The following INTS14 variants were observed in gnomAD, a reference collection of about 807,000 sequenced individuals.
INTS14 encodes UPF0464 protein C15orf44.
In INTS14, 27 loss-of-function variants were observed where a neutral mutation model predicts 56.9. The ratio of observed to expected loss-of-function variants is 0.47; its 90% CI spans 0.35 to 0.65. The LOEUF (loss-of-function observed/expected upper bound fraction) is 0.65. Ranked by LOEUF, INTS14 falls within the 30% of genes least tolerant of loss-of-function variation. INTS14 has a pLI of 0.00. For missense variants in INTS14, 517 were observed against 632.2 expected, an observed-to-expected ratio of 0.82 and a Z score of 1.95; for synonymous variants, 207 against 236.2, an observed-to-expected ratio of 0.88 and a Z score of 1.13.
intron 10 of INTS14, among the ~76,000 whole-genome samples, chr15:65,584,216 A>G (rs1235705392): frequency 6.6e-6 from 1 of 152,216 alleles, no homozygotes; most frequent in Non-Finnish European, 1.5e-5. Flanking sequence ...TCATATTATC[A>G]TAACTTCCTA....
intron 1 of INTS14, among the ~76,000 whole-genome samples, chr15:65,609,523 T>A (rs2073788097): frequency 1.3e-5 from 2 of 152,188 alleles, no homozygotes; most frequent in African/African-American, 4.8e-5. Flanking sequence ...TCAAAACTTA[T>A]CACAGTAACT....
At chr15:65,610,859 G>T in intron 1 of INTS14, 1 of 1,522,980 alleles carries the variant, frequency 6.6e-7, no homozygotes, top group Non-Finnish European at 8.8e-7. Flanking sequence ...GGGCAGAGGG[G>T]AGCTGAGCAG....
At position 65,579,506 on chromosome 15, in the gene INTS14, T is replaced by G. The variant is rs1219398131; in HGVS notation, c.1459A>C (p.Lys487Gln). 6.2e-7 allele frequency: 1 copy of G among 1,614,108 alleles called. No individual in the cohort carries two copies. Among genetic ancestry groups the G allele is most frequent in the Non-Finnish European group, 8.5e-7 (1 of 1,180,034 alleles). Residue 487 changes from lysine (K) to glutamine (Q), a missense_variant, in exon 12 of 12, where the codon AAG becomes CAG. Coordinates refer to ENST00000313182, the MANE Select transcript of INTS14 (RefSeq NM_001394796.1). ...FQLTHAAQQL[K>Q]LASTGTSEYA... ...TCAGAGGTGCCGGTACTGGCCAGCT[T>G]GAGCTGCTGGGCAGCATGGGTCAGC...
intron 10 of INTS14, among the ~76,000 whole-genome samples, chr15:65,583,599 TAG>T (rs995503940): frequency 2.0e-5 from 3 of 152,172 alleles, no homozygotes; most frequent in Admixed American, 1.3e-4. Flanking sequence ...GTTCTGGAAC[TAG>T]AGAGTGGTGA....
At chr15:65,604,252 T>G (rs1294578786) in intron 3 of INTS14, among the ~76,000 whole-genome samples, 1 of 152,086 alleles carries the variant, frequency 6.6e-6, no homozygotes, top group African/African-American at 2.4e-5. Context: ...CCAGCTAATT[T>G]TTGTATTTTT....
intron 1 of INTS14, among the ~76,000 whole-genome samples, chr15:65,609,929 C>T (rs967802837): frequency 6.6e-6 from 1 of 152,136 alleles, no homozygotes; most frequent in East Asian, 1.9e-4. Flanking sequence ...GGCTCTTTCT[C>T]CCAAGTGATG....
chr15:65,590,044 C>A (rs1010026186), intron 9 of INTS14, among the ~76,000 whole-genome samples: 4 of 152,176 alleles, frequency 2.6e-5, no homozygotes, highest in African/African-American at 7.2e-5. Context: ...AGGTCAGAAA[C>A]CTGGGATCAA....
chr15:65,597,271 T>A (rs1038357455), intron 6 of INTS14, among the ~76,000 whole-genome samples: 1 of 152,188 alleles, frequency 6.6e-6, no homozygotes, highest in Non-Finnish European at 1.5e-5. Context: ...CCACAAACAA[T>A]GAGCATTCAC....
chr15:65,595,321 A>G (rs967962436), intron 7 of INTS14, among the ~76,000 whole-genome samples: 1 of 152,260 alleles, frequency 6.6e-6, no homozygotes, highest in Non-Finnish European at 1.5e-5. Context: ...GTTATCTACT[A>G]TGTGCTGGGC....
rs777498623 is a variant in INTS14 at position 65,579,635 on chromosome 15, C to T, written c.1330G>A (p.Ala444Thr). 5.0e-6 allele frequency: 8 copies of T among 1,613,740 alleles called. No individual in the cohort carries two copies. The Admixed American group carries it at 5.0e-5, about 10-fold the overall frequency. Residue 444 changes from alanine (A) to threonine (T), a missense_variant, in exon 12 of 12, where the codon GCT becomes ACT. Physicochemically the swap from Ala to Thr is moderately conservative, Grantham distance 58 (BLOSUM62 0). Transcript: ENST00000313182. ...AGGTCCAGGAAACCAAAGGCTAGAG[C>T]GGCCTTTCGCAAACGGTTCAGCTCC... ...YKELNRLRKA[A>T]LAFGFLDLLK...
intron 6 of INTS14, 23 bp downstream of exon 6, chr15:65,598,293 TAAGAA>T: frequency 6.3e-7 from 1 of 1,598,878 alleles, no homozygotes; most frequent in South Asian, 1.1e-5. Context: ...ACAGAGAAAC[TAAGAA>T]ATAAGTTTTT....
chr15:65,601,467 C>A (rs554976299), intron 3 of INTS14, among the ~76,000 whole-genome samples: 60 of 152,280 alleles, frequency 3.9e-4, no homozygotes, highest in African/African-American at 1.4e-3. Flanking sequence ...CTCAGCCTCC[C>A]GAGCAGCTGG....
chr15:65,599,645 A>T (rs1238998099), intron 4 of INTS14, 129 bp downstream of exon 4: 1 of 1,027,324 alleles, frequency 9.7e-7, no homozygotes, highest in Non-Finnish European at 1.3e-6. Context: ...ATAAAATACC[A>T]GCCTCAGCTG....
intron 11 of INTS14, among the ~76,000 whole-genome samples, chr15:65,580,857 G>A (rs1035880660): frequency 7.2e-5 from 11 of 152,250 alleles, no homozygotes; most frequent in Non-Finnish European, 8.8e-5. Context: ...TTCACCAATC[G>A]TTCTGGATTA....
chr15:65,597,891 T>C (rs753747633), intron 6 of INTS14, among the ~76,000 whole-genome samples: 3 of 152,160 alleles, frequency 2.0e-5, no homozygotes, highest in Non-Finnish European at 4.4e-5. Flanking sequence ...GACCTTACCA[T>C]AAAAGACCAA....
Position 65,591,554 on chromosome 15 carries a change from A to C in INTS14, c.1120+44T>G, listed in dbSNP as rs145455459. The C allele has an allele frequency of 7.9e-3, 12,603 of 1,600,484 alleles. 58 individuals are homozygous for C. Among genetic ancestry groups the C allele is most frequent in the Non-Finnish European group, 9.8e-3 (11,510 of 1,173,370 alleles). ...AGTCAGAGACATTGAGAACAGCAGA[A>C]TGAAAACAAAGTCAGGATAAGTAAA... On this transcript the variant is annotated intron_variant, in intron 9 of 11. Coordinates refer to ENST00000313182, the MANE Select transcript of INTS14 (RefSeq NM_001394796.1).
At chr15:65,597,526 A>G (rs1457775856) in intron 6 of INTS14, among the ~76,000 whole-genome samples, 1 of 152,240 alleles carries the variant, frequency 6.6e-6, no homozygotes, top group East Asian at 1.9e-4. Flanking sequence ...TAAGCATAGT[A>G]TTGGCAACAC....
rs57782914 is a variant in INTS14, at chr15:65,581,547, C to CA, written c.1305+406dup. ...TGGGCAACAGAGTGTGACTCCATCT[C>CA]AAAAAAAAAAAAAAAAAAAAAAAAA... is the stretch of plus-strand genomic sequence containing the variant. On this transcript the variant is annotated intron_variant, in intron 11 of 11. Transcript: ENST00000313182. Among the ~76,000 whole-genome samples the CA allele has an allele frequency of 5.3e-3, 253 of 47,766 alleles. 12 individuals are homozygous for CA. The highest frequency in any genetic ancestry group is 8.6e-3 in the African/African-American group (103 of 11,938). The allele number at this position is 47,766 out of a possible 152,430, so 31.3% of individuals were successfully genotyped here.
In INTS14 at chr15:65,579,128, T is replaced by A. The variant is rs1370515304; in HGVS notation, c.*280A>T. The A allele has an allele frequency of 2.8e-6, 1 of 363,260 alleles. No individual in the cohort carries two copies. The highest frequency in any genetic ancestry group is 5.5e-5 in the East Asian group (1 of 18,020). The allele number at this position is 363,260 out of a possible 1,614,324, so 22.5% of individuals were successfully genotyped here. On this transcript the variant is annotated 3_prime_UTR_variant, in exon 12 of 12. Transcript: ENST00000313182. ...GGAAGGCAGGGGTGCTCTATGCTCA[T>A]CAGTCATTCAAGCTTCTCAGGAAAT... is the stretch of plus-strand genomic sequence containing the variant.
Sources: allele counts gnomAD v4.1 joint callset (sites outside exome capture counted in the v4.1 genomes callset), GRCh38; gene constraint gnomAD v4.1.1; transcripts MANE v1.5; gene names NCBI Gene and HGNC (gene_info 2026-07-23, HGNC 2026-07-21).